The following CALN1 variants were observed in gnomAD, a reference collection of about 807,000 sequenced individuals.
The protein encoded by CALN1 is calneuron 1.
Under a neutral mutation model 30.6 loss-of-function variants are expected in CALN1, and 17 were observed. That is an observed-to-expected ratio of 0.56 (90% CI 0.38 to 0.83). The LOEUF (loss-of-function observed/expected upper bound fraction) is 0.83, where lower values mean the gene tolerates loss of function less well. Ranked by LOEUF, CALN1 falls within the 40% of genes least tolerant of loss-of-function variation. The pLI, the probability that CALN1 is intolerant of heterozygous loss-of-function variation, is 0.00. For missense variants in CALN1, 291 were observed against 354.9 expected (o/e 0.82, Z 1.45); for synonymous variants, 156 against 131.4 (o/e 1.19, Z -1.28).
chr7:72,042,335 C>T (rs1007473903), intron 4 of CALN1, among the ~76,000 whole-genome samples: 1 of 152,130 alleles, frequency 6.6e-6, no homozygotes, highest in African/African-American at 2.4e-5. Context: ...GAATACAACA[C>T]ACAATCTTCT....
intron 5 of CALN1, among the ~76,000 whole-genome samples, chr7:71,867,810 T>C (rs556654911): frequency 6.6e-6 from 1 of 152,312 alleles, no homozygotes; most frequent in East Asian, 1.9e-4. Flanking sequence ...ACAGTATTTG[T>C]TGACAGCTAT....
intron 2 of CALN1, among the ~76,000 whole-genome samples, chr7:72,402,897 T>A (rs546618123): frequency 3.7e-4 from 56 of 152,310 alleles, no homozygotes; most frequent in African/African-American, 1.3e-3. Flanking sequence ...CCTCATAAAA[T>A]TATTTGAGAA....
intron 2 of CALN1, among the ~76,000 whole-genome samples, chr7:72,396,445 A>C (rs1443584131): frequency 6.6e-6 from 1 of 151,542 alleles, no homozygotes; most frequent in Non-Finnish European, 1.5e-5. Flanking sequence ...AAAGGAAACA[A>C]AAAGTGGAGA....
chr7:72,439,598 G>A (rs1404924402), intron 1 of CALN1, among the ~76,000 whole-genome samples: 2 of 137,190 alleles, frequency 1.5e-5, no homozygotes, highest in African/African-American at 5.5e-5. Flanking sequence ...TTTTTTTTGA[G>A]ATGGAGTCTC....
intron 2 of CALN1, among the ~76,000 whole-genome samples, chr7:72,376,395 T>C (rs541470057): frequency 6.6e-6 from 1 of 152,328 alleles, no homozygotes; most frequent in East Asian, 1.9e-4. Flanking sequence ...TGAAACTTGT[T>C]GCTGTTGTTA....
chr7:71,949,474 G>A (rs1796578725), intron 5 of CALN1, among the ~76,000 whole-genome samples: 1 of 151,962 alleles, frequency 6.6e-6, no homozygotes, highest in Non-Finnish European at 1.5e-5. Flanking sequence ...ACCTCTCCCT[G>A]AGGTTCAAGC....
At chr7:71,869,169 A>G (rs1002735656) in intron 5 of CALN1, among the ~76,000 whole-genome samples, 1 of 152,120 alleles carries the variant, frequency 6.6e-6, no homozygotes, top group Admixed American at 6.5e-5. Flanking sequence ...AGAGATCTGT[A>G]TAGCAGAGAA....
chr7:72,144,456 G>C (rs894513790), intron 3 of CALN1, among the ~76,000 whole-genome samples: 6 of 152,138 alleles, frequency 3.9e-5, no homozygotes, highest in African/African-American at 1.4e-4. Flanking sequence ...CAATACAGGA[G>C]CACCCAGATT....
At chr7:72,191,002 C>G (rs1203979839) in intron 3 of CALN1, among the ~76,000 whole-genome samples, 1 of 152,178 alleles carries the variant, frequency 6.6e-6, no homozygotes, top group Non-Finnish European at 1.5e-5. Context: ...CATTCATTGA[C>G]CAAGAAACTC....
chr7:72,483,540 C>T, the CALN1 span, among the ~76,000 whole-genome samples: 1 of 152,088 alleles, frequency 6.6e-6, no homozygotes, highest in African/African-American at 2.4e-5. Context: ...CTGCCTTGGC[C>T]TCCCCAAGTG....
At chr7:72,415,301 G>T (rs76246988), upstream of CALN1, among the ~76,000 whole-genome samples, 374 of 152,302 alleles carry the variant, frequency 2.5e-3, 14 homozygotes, top group East Asian at 0.055. Context: ...AGATGCACCT[G>T]TATTTTCTCC....
At chr7:72,148,876 G>A (rs900672419) in intron 3 of CALN1, among the ~76,000 whole-genome samples, 1 of 149,956 alleles carries the variant, frequency 6.7e-6, no homozygotes, top group Non-Finnish European at 1.5e-5. Context: ...TGCACTCCAG[G>A]CTGGGTGACA....
chr7:72,173,416 A>G (rs545119444), intron 3 of CALN1, among the ~76,000 whole-genome samples: 1 of 152,268 alleles, frequency 6.6e-6, no homozygotes, highest in East Asian at 1.9e-4. Context: ...TGCAATTACT[A>G]TCAAAATTTA....
At chr7:72,042,649 T>C (rs563868118) in intron 4 of CALN1, among the ~76,000 whole-genome samples, 6 of 152,172 alleles carry the variant, frequency 3.9e-5, no homozygotes, top group South Asian at 4.1e-4. Context: ...GGCTGCAGGA[T>C]TGCTTGAGGC....
intron 3 of CALN1, among the ~76,000 whole-genome samples, chr7:72,245,066 A>G (rs1795070021): frequency 6.6e-6 from 1 of 152,260 alleles, no homozygotes; most frequent in South Asian, 2.1e-4. Flanking sequence ...ATCCCAAAAC[A>G]TCGTAGGTGA....
chr7:72,312,587 T>C (rs1448677923), intron 2 of CALN1, among the ~76,000 whole-genome samples: 1 of 152,082 alleles, frequency 6.6e-6, no homozygotes, highest in Non-Finnish European at 1.5e-5. Flanking sequence ...GAGATATTTT[T>C]TCTTTTGCAA....
chr7:72,269,662 C>A (rs531110954), intron 3 of CALN1, among the ~76,000 whole-genome samples: 1 of 152,274 alleles, frequency 6.6e-6, no homozygotes, highest in South Asian at 2.1e-4. Flanking sequence ...CGAACCTACA[C>A]AAATTTAAGG....
At chr7:72,173,746 A>G (rs943829007) in intron 3 of CALN1, among the ~76,000 whole-genome samples, 3 of 152,206 alleles carry the variant, frequency 2.0e-5, no homozygotes, top group East Asian at 3.8e-4. Flanking sequence ...CACATGAGAA[A>G]GAAATAAACA....
chr7:72,148,554 G>T (rs1259913593), intron 3 of CALN1, among the ~76,000 whole-genome samples: 1 of 152,114 alleles, frequency 6.6e-6, no homozygotes, highest in African/African-American at 2.4e-5. Context: ...AGCCATCATT[G>T]TGCCACTGCA....
Sources: gnomAD v4.1 joint callset for allele counts (sites outside exome capture counted in the v4.1 genomes callset) on GRCh38, gnomAD v4.1.1 for gene constraint, MANE v1.5 for transcripts, NCBI Gene and HGNC (gene_info 2026-07-23, HGNC 2026-07-21) for gene names.